COL5A2: variants seen among roughly 807,000 people sequenced by gnomAD.
COL5A2 encodes the protein collagen alpha-2(V) chain.
Under a neutral mutation model 208.2 loss-of-function variants are expected in COL5A2, and 23 were observed. The observed-to-expected ratio is 0.11, with a 90% confidence interval of 0.08 to 0.16. The LOEUF (loss-of-function observed/expected upper bound fraction) is 0.16, where lower values mean the gene tolerates loss of function less well. Among genes scored for constraint, COL5A2 ranks in the 10% least tolerant of loss-of-function variants. The pLI is 1.00. For missense variants in COL5A2, 1,590 were observed against 1,956.4 expected, an observed-to-expected ratio of 0.81 and a Z score of 3.53; for synonymous variants, 625 against 628.5, an observed-to-expected ratio of 0.99 and a Z score of 0.08.
the COL5A2 span, among the ~76,000 whole-genome samples, chr2:189,383,762 G>A: frequency 5.3e-5 from 8 of 151,940 alleles, no homozygotes; most frequent in Non-Finnish European, 1.0e-4. Context: ...TGTTAGGAAC[G>A]TTCTAATTCC....
the COL5A2 span, among the ~76,000 whole-genome samples, chr2:189,357,739 G>T: frequency 7.3e-6 from 1 of 136,422 alleles, no homozygotes; most frequent in African/African-American, 2.7e-5. Context: ...TGTCTCACTG[G>T]CATTCCAGGT....
the COL5A2 span, among the ~76,000 whole-genome samples, chr2:189,289,824 A>G: frequency 6.6e-6 from 1 of 152,184 alleles, no homozygotes; most frequent in Non-Finnish European, 1.5e-5. Context: ...ATACTTAGAA[A>G]TAAACTTAAC....
At chr2:189,253,476 C>A in the COL5A2 span, among the ~76,000 whole-genome samples, 1 of 152,232 alleles carries the variant, frequency 6.6e-6, no homozygotes, top group Admixed American at 6.5e-5. Flanking sequence ...TGAATGTTAG[C>A]TATAAGCTGT....
chr2:189,120,534 AT>A (rs1687479486), intron 1 of COL5A2, among the ~76,000 whole-genome samples: 1 of 152,222 alleles, frequency 6.6e-6, no homozygotes, highest in South Asian at 2.1e-4. Flanking sequence ...AATTCTGTTT[AT>A]AAAAGCAAAC....
the COL5A2 span, among the ~76,000 whole-genome samples, chr2:189,388,483 T>C: frequency 6.6e-6 from 1 of 151,916 alleles, no homozygotes; most frequent in Non-Finnish European, 1.5e-5. Flanking sequence ...AGGGATGAGG[T>C]TGGATAAGTG....
chr2:189,199,802 A>G (rs752093896), intron 1 of COL5A2, among the ~76,000 whole-genome samples: 112 of 152,256 alleles, frequency 7.4e-4, no homozygotes, highest in Non-Finnish European at 2.6e-4. Flanking sequence ...AGGAAGCAAC[A>G]TAAGTGTACT....
chr2:189,179,885 G>C (rs767608494), upstream of COL5A2: 22 of 588,608 alleles, frequency 3.7e-5, no homozygotes, highest in Non-Finnish European at 5.4e-5. Context: ...CGGTCTGATT[G>C]ATGGTAAACA....
At chr2:189,425,347 T>C in the COL5A2 span, among the ~76,000 whole-genome samples, 3 of 152,164 alleles carry the variant, frequency 2.0e-5, no homozygotes, top group Non-Finnish European at 2.9e-5. Context: ...ATCCCACTAC[T>C]GGGTATATAG....
chr2:189,240,475 T>A, the COL5A2 span, among the ~76,000 whole-genome samples: 4 of 152,198 alleles, frequency 2.6e-5, no homozygotes, highest in African/African-American at 9.7e-5. Context: ...ACACTGGGGA[T>A]TAGGACTTCA....
intron 1 of COL5A2, among the ~76,000 whole-genome samples, chr2:189,117,154 A>G (rs746185256): frequency 3.3e-5 from 5 of 152,190 alleles, no homozygotes; most frequent in Non-Finnish European, 5.9e-5. Context: ...AATCTAAATG[A>G]CTGTGGCCAA....
the COL5A2 span, among the ~76,000 whole-genome samples, chr2:189,270,292 G>T: frequency 6.6e-6 from 1 of 152,062 alleles, no homozygotes; most frequent in African/African-American, 2.4e-5. Context: ...GAATTTGTTT[G>T]CTCCTGCTTC....
rs892085408 is a variant in COL5A2, at chr2:189,179,516, T to C, written c.89A>G (p.Asp30Gly). The change falls in exon 1 of 54, where the codon GAC (aspartate) becomes GGC (glycine). Residue 30 changes from aspartate to glycine, a missense_variant. Coordinates refer to ENST00000374866, the MANE Select transcript of COL5A2 (RefSeq NM_000393.5). ...GCAAATGGCAAACTCACCATCCTCGTCTTCTTCCTGGGCTTTTATTGAGAC... is the reference window on the plus strand; with the variant it reads ...GCAAATGGCAAACTCACCATCCTCGCCTTCTTCCTGGGCTTTTATTGAGAC... ...QFVSIKAQEE[D>G]EDEGYGEEIA... The C allele has an allele frequency of 6.2e-7, 1 of 1,611,532 alleles. No homozygotes were observed. The highest frequency in any genetic ancestry group is 1.3e-5 in the African/African-American group (1 of 74,904).
chr2:189,063,209 G>C lies in COL5A2; in HGVS notation c.1832C>G (p.Pro611Arg). 6.2e-7 allele frequency: 1 copy of C among 1,614,142 alleles called. No homozygotes were observed. The highest frequency in any genetic ancestry group is 8.5e-7 in the Non-Finnish European group (1 of 1,180,028). Residue 611 changes from proline to arginine, a missense_variant, in exon 27 of 54, where the codon CCC becomes CGC. Physicochemically the swap from Pro to Arg is moderately radical, Grantham distance 103. Transcript: ENST00000374866. ...GGGGCCTGGAAGGCCCATGCTCCCGGGCTGCCCTCTGATTCCTATGGAGCC... is the reference window on the plus strand; with the variant it reads ...GGGGCCTGGAAGGCCCATGCTCCCGCGCTGCCCTCTGATTCCTATGGAGCC... ...PPGSIGIRGQ[P>R]GSMGLPGPKG...
At chr2:189,176,563 A>T (rs1172143176) in intron 1 of COL5A2, among the ~76,000 whole-genome samples, 1 of 152,232 alleles carries the variant, frequency 6.6e-6, no homozygotes, top group Non-Finnish European at 1.5e-5. Context: ...CCTACTTCTA[A>T]TAACAAGAAT....
the COL5A2 span, among the ~76,000 whole-genome samples, chr2:189,286,983 G>A: frequency 7.1e-4 from 108 of 151,908 alleles, no homozygotes; most frequent in East Asian, 0.02. Context: ...TGTTAATTTA[G>A]AGTAATATCA....
chr2:189,310,739 C>CAA, the COL5A2 span, among the ~76,000 whole-genome samples: 3 of 150,166 alleles, frequency 2.0e-5, no homozygotes, highest in Non-Finnish European at 4.4e-5. Flanking sequence ...ACTATCAAAC[C>CAA]AAAAAAAAAA....
At chr2:189,435,994 G>A in the COL5A2 span, among the ~76,000 whole-genome samples, 1 of 152,146 alleles carries the variant, frequency 6.6e-6, no homozygotes, top group Non-Finnish European at 1.5e-5. Flanking sequence ...ATACTATGCA[G>A]CCATAAAAAA....
At chr2:189,104,149 G>A (rs1687105139) in intron 3 of COL5A2, 115 bp downstream of exon 3, 3 of 788,344 alleles carry the variant, frequency 3.8e-6, no homozygotes, top group Non-Finnish European at 6.9e-6. Flanking sequence ...CAATGTATTT[G>A]TATGGTACTT....
At chr2:189,283,503 A>C in the COL5A2 span, among the ~76,000 whole-genome samples, 1 of 152,088 alleles carries the variant, frequency 6.6e-6, no homozygotes, top group Admixed American at 6.6e-5. Flanking sequence ...GTACTTCTCA[A>C]AACTATAAAG....
Sources: allele counts gnomAD v4.1 joint callset (sites outside exome capture counted in the v4.1 genomes callset), GRCh38; gene constraint gnomAD v4.1.1; transcripts MANE v1.5; gene names NCBI Gene and HGNC (gene_info 2026-07-23, HGNC 2026-07-21).